The following PRKAR1B variants were observed in gnomAD, a reference collection of about 807,000 sequenced individuals.
The protein encoded by PRKAR1B is protein kinase cAMP-dependent type I regulatory subunit beta, also known as cAMP-dependent protein kinase type I-beta regulatory subunit.
Under a neutral mutation model 46.5 loss-of-function variants are expected in PRKAR1B, and 22 were observed. The ratio of observed to expected loss-of-function variants is 0.47; its 90% CI spans 0.34 to 0.68. PRKAR1B has a LOEUF of 0.68. PRKAR1B is among the 30% of genes least tolerant of loss of function. The pLI is 0.01. For synonymous variants in PRKAR1B, 259 were observed against 217.7 expected (o/e 1.19, Z -1.67); for missense variants, 445 against 535.6 (o/e 0.83, Z 1.67).
rs1002236221 is a variant in PRKAR1B, at chr7:695,900, G to C, written c.178-15174C>G. On this transcript the variant is annotated intron_variant, in intron 2 of 10. Transcript: ENST00000537384. ...ATGATGGTCTCGATCTCCTGACCTC[G>C]TTATTCACCCCTCTTGGCCTCCCAA... 6.0e-5 allele frequency among the ~76,000 whole-genome samples: 9 copies of C among 149,890 alleles called. 1 individual carries two copies. Among genetic ancestry groups the C allele is most frequent in the Non-Finnish European group, 1.0e-4 (7 of 67,800 alleles).
intron 1 of PRKAR1B, among the ~76,000 whole-genome samples, chr7:712,081 G>A (rs1156359934): frequency 6.6e-6 from 1 of 151,670 alleles, no homozygotes; most frequent in African/African-American, 2.4e-5. Flanking sequence ...GGGTGCGGGA[G>A]AACAAATGCG....
intron 10 of PRKAR1B, 24 bp from the exon 11 acceptor site, chr7:550,626 G>C (rs1239796194): frequency 6.6e-7 from 1 of 1,520,264 alleles, no homozygotes; most frequent in South Asian, 1.3e-5. Flanking sequence ...AGAGAGGTCA[G>C]GGCTGGGCCT....
At position 626,944 on chromosome 7, in the gene PRKAR1B, G is replaced by A. The variant is rs191112560; in HGVS notation, c.441-19492C>T. ...CCAGGCTGTGCAGTGGCGTGATCTC[G>A]GCTCACTGCAAGCTCCGCCTCCCGG... On this transcript the variant is annotated intron_variant, in intron 4 of 10. Coordinates refer to ENST00000537384, the MANE Select transcript of PRKAR1B (RefSeq NM_001164760.2). 1.8e-3 allele frequency among the ~76,000 whole-genome samples: 269 copies of A among 152,100 alleles called. 3 individuals are homozygous for A. Among genetic ancestry groups the A allele is most frequent in the African/African-American group, 6.0e-3 (250 of 41,494 alleles).
chr7:624,451 G>C (rs907512501), intron 4 of PRKAR1B, among the ~76,000 whole-genome samples: 2 of 152,146 alleles, frequency 1.3e-5, no homozygotes, highest in South Asian at 2.1e-4. Context: ...AAAAAAAAGT[G>C]CATGCTCTTT....
intron 7 of PRKAR1B, among the ~76,000 whole-genome samples, chr7:590,746 C>T (rs908339632): frequency 3.3e-5 from 5 of 152,206 alleles, no homozygotes; most frequent in Non-Finnish European, 7.3e-5. Flanking sequence ...GCCCACAGCC[C>T]AGCAGGTCCA....
At chr7:604,011 G>A (rs1187812494) in intron 6 of PRKAR1B, among the ~76,000 whole-genome samples, 1 of 152,214 alleles carries the variant, frequency 6.6e-6, no homozygotes, top group Admixed American at 6.5e-5. Flanking sequence ...TCCCGCAGAG[G>A]TGGCTCTGCC....
At chr7:691,129 G>A (rs1043425589) in intron 2 of PRKAR1B, among the ~76,000 whole-genome samples, 23 of 149,774 alleles carry the variant, frequency 1.5e-4, no homozygotes, top group Admixed American at 2.7e-4. Flanking sequence ...TGGCCAGTCC[G>A]CTGCAAATCC....
In PRKAR1B at chr7:723,644, G is replaced by A. The variant is rs1045348824; in HGVS notation, c.-23+3566C>T. Among the ~76,000 whole-genome samples the A allele has an allele frequency of 7.9e-5, 12 of 152,144 alleles. 1 individual carries two copies. In the South Asian group the frequency reaches 1.2e-3, roughly 16 times the overall value. ...CTGCCACAGCCTTCCCAGGGCTCCC[G>A]ACCAATCCGTTCAACGGAAGCCAAA... On this transcript the variant is annotated intron_variant, in intron 1 of 10. Coordinates refer to ENST00000537384, the MANE Select transcript of PRKAR1B (RefSeq NM_001164760.2).
intron 9 of PRKAR1B, among the ~76,000 whole-genome samples, chr7:567,701 G>A (rs1779265196): frequency 6.6e-6 from 1 of 152,234 alleles, no homozygotes; most frequent in Non-Finnish European, 1.5e-5. Flanking sequence ...TGAAAAGGAA[G>A]GACATTCTGA....
intron 4 of PRKAR1B, among the ~76,000 whole-genome samples, chr7:639,652 C>G (rs563916048): frequency 6.6e-6 from 1 of 152,138 alleles, no homozygotes; most frequent in Admixed American, 6.5e-5. Flanking sequence ...GAGCTCTCAG[C>G]CTGCCTGGGC....
chr7:565,888 T>G (rs1171435638), intron 9 of PRKAR1B, among the ~76,000 whole-genome samples: 1 of 152,164 alleles, frequency 6.6e-6, no homozygotes, highest in Non-Finnish European at 1.5e-5. Flanking sequence ...TCCACCAGGT[T>G]CTGGGGAGAT....
intron 2 of PRKAR1B, among the ~76,000 whole-genome samples, chr7:681,323 T>TAAAAAAAA (rs1159377371): frequency 2.6e-5 from 3 of 114,298 alleles, no homozygotes; most frequent in South Asian, 2.8e-4. Context: ...CCTGTCTCTA[T>TAAAAAAAA]AAAAAAAAAA....
intron 9 of PRKAR1B, among the ~76,000 whole-genome samples, chr7:559,682 C>T (rs1052156204): frequency 5.3e-5 from 8 of 152,160 alleles, no homozygotes; most frequent in Admixed American, 1.3e-4. Context: ...GCCGGAGTCT[C>T]GAGGCTCGCT....
At chr7:568,557 G>A (rs1196596597) in intron 9 of PRKAR1B, among the ~76,000 whole-genome samples, 1 of 152,252 alleles carries the variant, frequency 6.6e-6, no homozygotes, top group East Asian at 1.9e-4. Flanking sequence ...AACATCATCA[G>A]AAGGTCTGGG....
At chr7:695,542 T>A (rs1779683160) in intron 2 of PRKAR1B, among the ~76,000 whole-genome samples, 1 of 152,112 alleles carries the variant, frequency 6.6e-6, no homozygotes, top group Non-Finnish European at 1.5e-5. Flanking sequence ...GCAGAAACAG[T>A]TTCAAGTGAG....
chr7:696,428 C>T (rs1468310420), intron 2 of PRKAR1B, among the ~76,000 whole-genome samples: 3 of 152,142 alleles, frequency 2.0e-5, no homozygotes, highest in Non-Finnish European at 4.4e-5. Flanking sequence ...TCAGCCACCA[C>T]ACCTGGCTAA....
intron 2 of PRKAR1B, among the ~76,000 whole-genome samples, chr7:681,459 A>G (rs983140336): frequency 4.6e-5 from 7 of 152,110 alleles, no homozygotes; most frequent in African/African-American, 1.7e-4. Context: ...TCTCCAGGTA[A>G]TTTTTATAAC....
intron 8 of PRKAR1B, 81 bp from the exon 9 acceptor site, chr7:579,458 C>A: frequency 6.4e-7 from 1 of 1,566,132 alleles, no homozygotes; most frequent in South Asian, 1.1e-5. Context: ...CACCGCTCTT[C>A]CCGAAAGGTG....
chr7:631,783 T>C (rs1783757331), intron 4 of PRKAR1B, among the ~76,000 whole-genome samples: 1 of 148,492 alleles, frequency 6.7e-6, no homozygotes, highest in African/African-American at 2.5e-5. Flanking sequence ...GAGACCCCCA[T>C]CTCTAAAAAA....
Sources: gnomAD v4.1 joint callset for allele counts (sites outside exome capture counted in the v4.1 genomes callset) on GRCh38, gnomAD v4.1.1 for gene constraint, MANE v1.5 for transcripts, NCBI Gene and HGNC (gene_info 2026-07-23, HGNC 2026-07-21) for gene names.